CNTNAP2: variants seen among roughly 807,000 people sequenced by gnomAD.
CNTNAP2 encodes the protein contactin-associated protein-like 2.
CNTNAP2 carries 98 observed loss-of-function variants against 155.2 expected under a neutral mutation model. The observed-to-expected ratio is 0.63, with a 90% CI of 0.54 to 0.75. The LOEUF (loss-of-function observed/expected upper bound fraction) is 0.75. Ranked by LOEUF, CNTNAP2 falls within the 30% of genes least tolerant of loss-of-function variation. The probability of loss-of-function intolerance (pLI) is 0.00; values close to 1 mark genes in which losing one functional copy is unlikely to be tolerated. For missense variants in CNTNAP2, 1,727 were observed against 1,688.1 expected (o/e 1.02, Z -0.40); for synonymous variants, 651 against 631.2 (o/e 1.03, Z -0.47).
intron 15 of CNTNAP2, among the ~76,000 whole-genome samples, chr7:148,081,888 T>G (rs1803613134): frequency 6.6e-6 from 1 of 152,112 alleles, no homozygotes; most frequent in South Asian, 2.1e-4. Context: ...TTGGAGGAGT[T>G]GGTTATGGAA....
At chr7:146,977,157 A>C (rs551475327) in intron 3 of CNTNAP2, among the ~76,000 whole-genome samples, 2 of 152,186 alleles carry the variant, frequency 1.3e-5, no homozygotes, top group Non-Finnish European at 2.9e-5. Flanking sequence ...AATAATAATG[A>C]AAAAGGGAGG....
intron 15 of CNTNAP2, among the ~76,000 whole-genome samples, chr7:148,098,444 GAA>G (rs61014019): frequency 0.019 from 1,085 of 56,246 alleles, 2 homozygotes; most frequent in African/African-American, 0.082. Context: ...CTCTGTCTCA[GAA>G]AAAAAAAAAA....
intron 21 of CNTNAP2, among the ~76,000 whole-genome samples, chr7:148,307,726 G>C (rs1797513957): frequency 1.3e-5 from 2 of 152,262 alleles, no homozygotes; most frequent in East Asian, 3.9e-4. Flanking sequence ...CCAGCAATTT[G>C]GGAGGCGGAG....
At chr7:147,616,653 TCTCA>T (rs1801299492) in intron 12 of CNTNAP2, among the ~76,000 whole-genome samples, 1 of 152,168 alleles carries the variant, frequency 6.6e-6, no homozygotes. Context: ...AAATGGTCTC[TCTCA>T]CTCCTCAATC....
At position 147,187,297 on chromosome 7, in the gene CNTNAP2, C is replaced by T. The variant is rs547447278; in HGVS notation, c.1348+54788C>T. 1.4e-4 allele frequency among the ~76,000 whole-genome samples: 21 copies of T among 152,196 alleles called. No homozygotes were observed. In the South Asian group the frequency reaches 3.9e-3, roughly 29 times the overall value. ...ATAAAGATAGAGAGGCTCCCAAGCT[C>T]CTGCCAGAGGTACTGAGTGAAGAGT... On this transcript the variant is annotated intron_variant, in intron 8 of 23. Coordinates refer to ENST00000361727, the MANE Select transcript of CNTNAP2 (RefSeq NM_014141.6).
chr7:147,337,503 C>T (rs1584882790), intron 9 of CNTNAP2, among the ~76,000 whole-genome samples: 1 of 152,048 alleles, frequency 6.6e-6, no homozygotes, highest in Non-Finnish European at 1.5e-5. Flanking sequence ...CATATGGGGA[C>T]CTGTCCTGCA....
Position 147,639,247 on chromosome 7 carries a change from A to G in CNTNAP2, c.2039A>G (p.Glu680Gly), listed in dbSNP as rs1446971263. 3 of 1,614,116 alleles carry G rather than the reference A, an allele frequency of 1.9e-6. No individual in the cohort carries two copies. The highest frequency in any genetic ancestry group is 2.5e-6 in the Non-Finnish European group (3 of 1,179,996). The change falls in exon 13 of 24, where the codon GAG (glutamate) becomes GGG (glycine). Residue 680 changes from glutamate (E) to glycine (G), a missense_variant. Transcript: ENST00000361727. ...ATAAGTGCCATCACTGACAGTGCCG[A>G]GTACTGCGAGCAGTATGTCTCCTAT... Reference protein sequence around the residue: ...DQISAITDSAEYCEQYVSYFC... With the variant: ...DQISAITDSAGYCEQYVSYFC...
intron 1 of CNTNAP2, among the ~76,000 whole-genome samples, chr7:146,552,128 G>A (rs1286226479): frequency 1.3e-5 from 2 of 152,090 alleles, no homozygotes; most frequent in Non-Finnish European, 2.9e-5. Context: ...AGTATTTTAA[G>A]CAAAGTTGCA....
chr7:147,331,259 T>A (rs6976677), intron 9 of CNTNAP2, among the ~76,000 whole-genome samples: 29,719 of 152,016 alleles, frequency 0.2, 3,157 homozygotes, highest in East Asian at 0.36. Context: ...AGAATTCAGG[T>A]TGAAGCCAAG....
intron 3 of CNTNAP2, among the ~76,000 whole-genome samples, chr7:146,908,279 C>G (rs1796189799): frequency 6.6e-6 from 1 of 150,548 alleles, no homozygotes; most frequent in East Asian, 2.0e-4. Context: ...AGGAATTGAA[C>G]TCAGCTCTGC....
chr7:147,388,258 A>C (rs1049337968), intron 9 of CNTNAP2, among the ~76,000 whole-genome samples: 17 of 152,124 alleles, frequency 1.1e-4, no homozygotes, highest in African/African-American at 3.9e-4. Context: ...TTCTTTGGGC[A>C]CTTCATTACT....
rs1361826622 is a variant in CNTNAP2, at chr7:146,681,433, G to T, written c.98-92838G>T. ...ACACACAGGGTCCTGTGGGTGGGGG[G>T]TGGAGGGTGGAGGGTGGCAGGGTGG... is the stretch of plus-strand genomic sequence containing the variant. On this transcript the variant is annotated intron_variant, in intron 1 of 23. Transcript: ENST00000361727. Among the ~76,000 whole-genome samples, 186 of 95,886 alleles carry T rather than the reference G, an allele frequency of 1.9e-3. 2 individuals are homozygous for T. The highest frequency in any genetic ancestry group is 5.0e-3 in the African/African-American group (123 of 24,420). The allele number at this position is 95,886 out of a possible 152,430, so 62.9% of individuals were successfully genotyped here. A position where few individuals can be genotyped will look rare whatever the true frequency, so the allele number is the denominator to read the frequency against.
At chr7:147,633,078 G>T (rs1193055661) in intron 12 of CNTNAP2, among the ~76,000 whole-genome samples, 2 of 152,214 alleles carry the variant, frequency 1.3e-5, no homozygotes, top group African/African-American at 4.8e-5. Flanking sequence ...TCCCATCACA[G>T]GCCCAGAGGC....
intron 10 of CNTNAP2, among the ~76,000 whole-genome samples, chr7:147,419,048 C>T (rs1231169736): frequency 6.6e-6 from 1 of 152,110 alleles, no homozygotes; most frequent in East Asian, 1.9e-4. Flanking sequence ...CCAATATAAT[C>T]TATGAAGAAA....
intron 1 of CNTNAP2, among the ~76,000 whole-genome samples, chr7:146,572,769 CA>C: frequency 6.6e-6 from 1 of 151,916 alleles, no homozygotes; most frequent in South Asian, 2.1e-4. Flanking sequence ...TTGAATTCCC[CA>C]AGATATAGTA....
chr7:147,434,004 A>G (rs1334852746), intron 10 of CNTNAP2, among the ~76,000 whole-genome samples: 1 of 152,180 alleles, frequency 6.6e-6, no homozygotes, highest in Non-Finnish European at 1.5e-5. Context: ...TAAATACCTT[A>G]TCAGTCCTCT....
chr7:146,264,958 C>T (rs1235647580), intron 1 of CNTNAP2, among the ~76,000 whole-genome samples: 4 of 152,156 alleles, frequency 2.6e-5, no homozygotes. Flanking sequence ...TGAGTAACCA[C>T]ATTCATTATA....
At chr7:146,990,476 TA>T (rs1170031652) in intron 3 of CNTNAP2, among the ~76,000 whole-genome samples, 4 of 152,164 alleles carry the variant, frequency 2.6e-5, no homozygotes, top group Non-Finnish European at 5.9e-5. Flanking sequence ...TGTTTACCAC[TA>T]AAAATAGACA....
At chr7:148,112,868 T>TTAA (rs398006722) in intron 15 of CNTNAP2, among the ~76,000 whole-genome samples, 1,598 of 149,940 alleles carry the variant, frequency 0.011, 19 homozygotes, top group South Asian at 0.039. Context: ...TTTTTTTTTT[T>TTAA]AAAAAAAAAT....
Sources: gnomAD v4.1 joint callset for allele counts (sites outside exome capture counted in the v4.1 genomes callset) on GRCh38, gnomAD v4.1.1 for gene constraint, MANE v1.5 for transcripts, NCBI Gene and HGNC (gene_info 2026-07-23, HGNC 2026-07-21) for gene names.